Variants in TRHDE observed in about 807,000 individuals in gnomAD.
The protein encoded by TRHDE is thyrotropin-releasing hormone-degrading ectoenzyme.
Under a neutral mutation model 125.7 loss-of-function variants are expected in TRHDE, and 72 were observed. That is an observed-to-expected ratio of 0.57 (90% CI 0.47 to 0.70). TRHDE has a LOEUF of 0.70. TRHDE is among the 30% of genes least tolerant of loss of function. TRHDE has a pLI of 0.00. For missense variants in TRHDE, 1,110 were observed against 1,327.1 expected (o/e 0.84, Z 2.54); for synonymous variants, 509 against 509.1 (o/e 1.00, Z 0.00).
chr12:72,331,187 T>A (rs1869577717), intron 2 of TRHDE, among the ~76,000 whole-genome samples: 1 of 151,422 alleles, frequency 6.6e-6, no homozygotes, highest in African/African-American at 2.4e-5. Context: ...CTCCCACAAG[T>A]CAAAAGACTT....
chr12:72,153,117 A>G (rs542278573), intron 2 of TRHDE, among the ~76,000 whole-genome samples: 73 of 152,262 alleles, frequency 4.8e-4, no homozygotes, highest in Middle Eastern at 3.4e-3. Context: ...TTCCTGGTTT[A>G]GTCTTGGGAG....
intron 2 of TRHDE, among the ~76,000 whole-genome samples, chr12:72,228,008 G>A (rs1878169297): frequency 6.6e-6 from 1 of 152,176 alleles, no homozygotes; most frequent in Admixed American, 6.5e-5. Flanking sequence ...TTCATGGGCT[G>A]GCATTGAGTA....
intron 2 of TRHDE, among the ~76,000 whole-genome samples, chr12:72,375,283 T>C (rs1005735623): frequency 6.6e-6 from 1 of 152,226 alleles, no homozygotes; most frequent in Non-Finnish European, 1.5e-5. Flanking sequence ...AATTTTATTG[T>C]TCTATTTCTA....
chr12:72,207,960 T>C (rs1877702236), intron 2 of TRHDE, among the ~76,000 whole-genome samples: 1 of 152,296 alleles, frequency 6.6e-6, no homozygotes, highest in Non-Finnish European at 1.5e-5. Context: ...TGAGTCACTG[T>C]TGGAAGTGTC....
intron 3 of TRHDE, among the ~76,000 whole-genome samples, chr12:72,385,415 C>A (rs980517010): frequency 4.0e-5 from 6 of 151,894 alleles, no homozygotes; most frequent in African/African-American, 1.5e-4. Context: ...AGGGGCTAAC[C>A]TTTTCCGCCA....
chr12:72,521,448 G>C (rs1001563730), intron 6 of TRHDE, among the ~76,000 whole-genome samples: 9 of 152,192 alleles, frequency 5.9e-5, no homozygotes, highest in African/African-American at 2.2e-4. Context: ...GTAGAGGGGA[G>C]AGTGTGAGTC....
intron 15 of TRHDE, among the ~76,000 whole-genome samples, chr12:72,630,910 A>G (rs530109636): frequency 8.0e-5 from 12 of 149,432 alleles, no homozygotes; most frequent in Middle Eastern, 3.6e-3. Flanking sequence ...ACCTACCCAT[A>G]CTTATTTTTC....
Position 72,467,090 on chromosome 12 carries a change from T to C in TRHDE, c.1316-2668T>C, listed in dbSNP as rs540456574. On this transcript the variant is annotated intron_variant, in intron 3 of 18. Transcript: ENST00000261180. ...CCCGTTGATATCCTATTTACCTTTT[T>C]TTATTATTATACTTTAAGTTTTAGG... Among the ~76,000 whole-genome samples, 3 of 152,228 alleles carry C rather than the reference T, an allele frequency of 2.0e-5. No homozygotes were observed. In the East Asian group the frequency reaches 5.8e-4, roughly 29 times the overall value.
intron 5 of TRHDE, among the ~76,000 whole-genome samples, chr12:72,476,748 G>T (rs1876913178): frequency 6.6e-6 from 1 of 152,096 alleles, no homozygotes; most frequent in Admixed American, 6.5e-5. Context: ...ACCTTCCATG[G>T]ACTAGCAATA....
intron 3 of TRHDE, among the ~76,000 whole-genome samples, chr12:72,455,217 T>C (rs1424460832): frequency 1.3e-5 from 2 of 152,276 alleles, no homozygotes; most frequent in African/African-American, 2.4e-5. Flanking sequence ...TATCAATAGA[T>C]AATCACTACA....
chr12:72,519,370 C>T (rs1879056104), intron 6 of TRHDE, among the ~76,000 whole-genome samples: 1 of 152,108 alleles, frequency 6.6e-6, no homozygotes, highest in South Asian at 2.1e-4. Flanking sequence ...CTCTAAACTT[C>T]CTTTCTCACT....
intron 2 of TRHDE, among the ~76,000 whole-genome samples, chr12:72,364,349 C>G (rs563476418): frequency 3.3e-5 from 5 of 151,976 alleles, no homozygotes; most frequent in Admixed American, 2.0e-4. Context: ...TATTTTTCCT[C>G]GAATAATACC....
chr12:72,284,003 C>T (rs1879788990), intron 1 of TRHDE, among the ~76,000 whole-genome samples: 1 of 151,630 alleles, frequency 6.6e-6, no homozygotes, highest in Non-Finnish European at 1.5e-5. Context: ...TACTGAGTAC[C>T]TAATACAGGG....
At chr12:72,141,205 T>C (rs1406579234) in intron 2 of TRHDE, among the ~76,000 whole-genome samples, 2 of 152,196 alleles carry the variant, frequency 1.3e-5, no homozygotes, top group African/African-American at 2.4e-5. Flanking sequence ...AAAGTTTCTA[T>C]GAATAAAATG....
At chr12:72,207,194 A>G (rs1398856662) in intron 2 of TRHDE, among the ~76,000 whole-genome samples, 1 of 152,242 alleles carries the variant, frequency 6.6e-6, no homozygotes, top group Admixed American at 6.5e-5. Context: ...GCTGATGACC[A>G]GAAAAGATAT....
At chr12:72,241,356 C>T (rs554739163) in intron 2 of TRHDE, among the ~76,000 whole-genome samples, 36 of 152,058 alleles carry the variant, frequency 2.4e-4, no homozygotes, top group African/African-American at 8.7e-4. Flanking sequence ...GTTTTTTTTA[C>T]TATCATTTCA....
Position 72,652,371 on chromosome 12 carries a change from C to G in TRHDE, c.2725C>G (p.Leu909Val). The G allele has an allele frequency of 6.2e-7, 1 of 1,605,792 alleles. No homozygotes were observed. The highest frequency in any genetic ancestry group is 2.3e-5 in the East Asian group (1 of 44,088). ...CGTATACTGTACAGGAGTGTCACTA[C>G]TGGATGAGGATGTCTGGGAATTCAT... ...DIVYCTGVSLLDEDVWEFIWM... is the reference protein window; with the variant it reads ...DIVYCTGVSLVDEDVWEFIWM... Residue 909 changes from leucine to valine, a missense_variant, in exon 16 of 19, where the codon CTG (leucine) becomes GTG (valine). By Grantham distance (32) the Leu-to-Val change is conservative. Transcript: ENST00000261180.
At chr12:72,515,385 C>T (rs1477726516) in intron 6 of TRHDE, among the ~76,000 whole-genome samples, 1 of 148,598 alleles carries the variant, frequency 6.7e-6, no homozygotes, top group Non-Finnish European at 1.5e-5. Flanking sequence ...TCTCTGATGG[C>T]CAGTGATGGT....
chr12:72,135,991 T>C (rs75435554), intron 2 of TRHDE, among the ~76,000 whole-genome samples: 5,369 of 152,278 alleles, frequency 0.035, 165 homozygotes, highest in African/African-American at 0.086. Flanking sequence ...TTGTTGTAAG[T>C]ATGCTGTTCA....
Sources: allele counts gnomAD v4.1 joint callset (sites outside exome capture counted in the v4.1 genomes callset), GRCh38; gene constraint gnomAD v4.1.1; transcripts MANE v1.5; gene names NCBI Gene and HGNC (gene_info 2026-07-23, HGNC 2026-07-21).